Variants in MIB1 observed in about 807,000 individuals in gnomAD.
MIB1 encodes E3 ubiquitin-protein ligase MIB1.
A neutral mutation model predicts 124.5 loss-of-function variants in MIB1; 278 were observed. That is an observed-to-expected ratio of 2.23 (90% CI 2.02 to 2.47). MIB1 has a LOEUF of 2.47. Ranked by LOEUF, MIB1 falls within the 30% of genes most tolerant of loss-of-function variation. The pLI is 0.00. For synonymous variants in MIB1, 446 were observed against 429.4 expected, an observed-to-expected ratio of 1.04 and a Z score of -0.48; for missense variants, 957 against 1,254.4, an observed-to-expected ratio of 0.76 and a Z score of 3.58.
At position 21,849,212 on chromosome 18, in the gene MIB1, C is replaced by A; in HGVS notation, c.2410C>A (p.Arg804=). Residue 804 remains arginine (R), a synonymous_variant, in exon 17 of 21, where the codon CGG becomes AGG. Coordinates refer to ENST00000261537, the MANE Select transcript of MIB1 (RefSeq NM_020774.4). ...TTTTATTAGTGGTCAAGTGGGTTCT[C>A]GGAGTCCTTCTATGATTAGTAATGA... ...KEKVSGQVGS[R]SPSMISNDSE... The A allele has an allele frequency of 6.4e-7, 1 of 1,558,828 alleles. No homozygotes were observed. The highest frequency in any genetic ancestry group is 8.7e-7 in the Non-Finnish European group (1 of 1,153,808).
chr18:21,786,008 CCTTCT>C (rs1422088096), intron 6 of MIB1, among the ~76,000 whole-genome samples: 10 of 136,712 alleles, frequency 7.3e-5, no homozygotes, highest in Non-Finnish European at 1.3e-4. Flanking sequence ...TGTGTTATTT[CCTTCT>C]CTTCTATTGC....
intron 1 of MIB1, among the ~76,000 whole-genome samples, chr18:21,726,680 G>A (rs936639510): frequency 6.6e-6 from 1 of 152,118 alleles, no homozygotes; most frequent in Non-Finnish European, 1.5e-5. Context: ...CATCATAATA[G>A]TATAAACTTC....
chr18:21,840,823 C>T (rs28759248), intron 13 of MIB1, among the ~76,000 whole-genome samples: 2,536 of 151,448 alleles, frequency 0.017, 64 homozygotes, highest in African/African-American at 0.054. Flanking sequence ...AGAGCAAGAC[C>T]TTGTCTTAAA....
At chr18:21,745,731 C>T (rs1338778319) in intron 1 of MIB1, among the ~76,000 whole-genome samples, 1 of 150,068 alleles carries the variant, frequency 6.7e-6, no homozygotes, top group East Asian at 2.0e-4. Flanking sequence ...TTTTTTGAGA[C>T]AGTCTCCCTC....
intron 13 of MIB1, among the ~76,000 whole-genome samples, chr18:21,841,787 A>G (rs1161219074): frequency 6.6e-6 from 1 of 152,208 alleles, no homozygotes; most frequent in Non-Finnish European, 1.5e-5. Flanking sequence ...TGTAGCAGCT[A>G]TTATTAGCCC....
intron 7 of MIB1, among the ~76,000 whole-genome samples, chr18:21,796,113 G>T (rs932520238): frequency 7.1e-6 from 1 of 141,144 alleles, no homozygotes; most frequent in Non-Finnish European, 1.5e-5. Flanking sequence ...TTTTTGATGG[G>T]GTCGTTTGTT....
chr18:21,759,149 A>G (rs986633248), intron 1 of MIB1, among the ~76,000 whole-genome samples: 3 of 151,776 alleles, frequency 2.0e-5, no homozygotes, highest in African/African-American at 7.3e-5. Flanking sequence ...GTTTCTTTAT[A>G]TTACACATTT....
chr18:21,777,266 A>C (rs1481864814), intron 4 of MIB1, among the ~76,000 whole-genome samples: 1 of 151,850 alleles, frequency 6.6e-6, no homozygotes, highest in African/African-American at 2.4e-5. Flanking sequence ...TAAAAATGCA[A>C]AAATTAGCCA....
intron 9 of MIB1, among the ~76,000 whole-genome samples, chr18:21,802,837 G>GA (rs898053867): frequency 6.6e-6 from 1 of 152,134 alleles, no homozygotes; most frequent in African/African-American, 2.4e-5. Flanking sequence ...AGTTTTGGGG[G>GA]ATCTCTAAAT....
chr18:21,826,850 TGC>T (rs1262728893), intron 12 of MIB1: 1 of 152,174 alleles, frequency 6.6e-6, no homozygotes, highest in Non-Finnish European at 1.5e-5. Flanking sequence ...AAGTATATTC[TGC>T]GTCTGTTGGT....
At position 21,864,713 on chromosome 18, in the gene MIB1, A is replaced by C. The variant is rs1048076872; in HGVS notation, c.*47A>C. ...GTTAGCTAATGTATCTAGTCATGAG[A>C]TCTTAATAGGCTTTTGATCTAGTTG... On this transcript the variant is annotated 3_prime_UTR_variant, in exon 21 of 21. Coordinates refer to ENST00000261537, the MANE Select transcript of MIB1 (RefSeq NM_020774.4). 8.1e-6 allele frequency: 12 copies of C among 1,476,790 alleles called. No individual in the cohort carries two copies. Among genetic ancestry groups the C allele is most frequent in the Non-Finnish European group, 1.1e-5 (12 of 1,069,908 alleles). The allele number at this position is 1,476,790 out of a possible 1,614,324, so 91.5% of individuals were successfully genotyped here. A position where few individuals can be genotyped will look rare whatever the true frequency, so the allele number is the denominator to read the frequency against.
Position 21,765,828 on chromosome 18 carries a change from A to AT in MIB1, c.288dup (p.Arg97SerfsTer11). 2 of 1,614,204 alleles carry AT rather than the reference A, an allele frequency of 1.2e-6. No homozygotes were observed. Among genetic ancestry groups the AT allele is most frequent in the Non-Finnish European group, 1.7e-6 (2 of 1,180,024 alleles). ...CTGCCGCCAGCAACCAATCATTGGC[A>AT]TTCGATGGAAGTGTGCAGAGTGTAC... is the stretch of plus-strand genomic sequence containing the variant. On this transcript the variant is annotated frameshift_variant, in exon 2 of 21. Coordinates refer to ENST00000261537, the MANE Select transcript of MIB1 (RefSeq NM_020774.4). LOFTEE classifies it high-confidence loss of function.
intron 1 of MIB1, among the ~76,000 whole-genome samples, chr18:21,721,135 G>T (rs1598579721): frequency 1.2e-5 from 1 of 80,286 alleles, no homozygotes; most frequent in African/African-American, 4.2e-5. Context: ...AGATTTTTTT[G>T]AAAGATTTAA....
intron 11 of MIB1, among the ~76,000 whole-genome samples, chr18:21,817,332 C>T (rs1459380669): frequency 6.6e-6 from 1 of 151,358 alleles, no homozygotes; most frequent in Non-Finnish European, 1.5e-5. Context: ...GTAGAAATGC[C>T]CAGGTTGGTC....
chr18:21,846,866 C>CA, intron 15 of MIB1, 78 bp from the exon 16 acceptor site: 1 of 1,373,298 alleles, frequency 7.3e-7, no homozygotes, highest in South Asian at 1.3e-5. Context: ...GTCCACCACA[C>CA]ACACATACAT....
intron 10 of MIB1, among the ~76,000 whole-genome samples, chr18:21,807,834 CTTT>C (rs199687698): frequency 6.6e-6 from 1 of 152,086 alleles, no homozygotes; most frequent in East Asian, 1.9e-4. Context: ...TTTTTATCAA[CTTT>C]TTTATCATTG....
chr18:21,860,073 G>T (rs1205385311), intron 20 of MIB1, among the ~76,000 whole-genome samples: 1 of 137,134 alleles, frequency 7.3e-6, no homozygotes, highest in Non-Finnish European at 1.5e-5. Flanking sequence ...TTTAACCTGG[G>T]TGTTGGTTAT....
chr18:21,860,633 G>A (rs76754943), intron 20 of MIB1, among the ~76,000 whole-genome samples: 3,610 of 152,228 alleles, frequency 0.024, 157 homozygotes, highest in African/African-American at 0.083. Flanking sequence ...GTATTGCCAT[G>A]CAGTTGTTAG....
rs1032576294 is a variant in MIB1, at chr18:21,719,557, C to T, written n.167+14434C>T. On this transcript the variant is annotated intron_variant and non_coding_transcript_variant, in intron 1 of 20. Transcript: ENST00000578646. Reference sequence around the variant, plus strand: ...TGCCCCCTGGGTTCAAGTGATTCTCCGGTCTCAGCCTCCGGAGTACCTGGG... The same window carrying T: ...TGCCCCCTGGGTTCAAGTGATTCTCTGGTCTCAGCCTCCGGAGTACCTGGG... Among the ~76,000 whole-genome samples, 6 of 152,028 alleles carry T rather than the reference C, an allele frequency of 3.9e-5. No homozygotes were observed. In the South Asian group the frequency reaches 8.3e-4, roughly 21 times the overall value.
Sources: allele counts gnomAD v4.1 joint callset (sites outside exome capture counted in the v4.1 genomes callset), GRCh38; gene constraint gnomAD v4.1.1; transcripts MANE v1.5; gene names NCBI Gene and HGNC (gene_info 2026-07-23, HGNC 2026-07-21).